Variants in PDZD2 observed in about 807,000 individuals in gnomAD.
The protein encoded by PDZD2 is PDZ domain-containing protein 2.
A neutral mutation model predicts 220.7 loss-of-function variants in PDZD2; 90 were observed. That is an observed-to-expected ratio of 0.41 (90% CI 0.34 to 0.49). The LOEUF is 0.49. PDZD2 is among the 20% of genes least tolerant of loss of function. The probability of loss-of-function intolerance (pLI) is 0.28; values close to 1 mark genes in which losing one functional copy is unlikely to be tolerated. For synonymous variants in PDZD2, 1,375 were observed against 1,450.5 expected, an observed-to-expected ratio of 0.95 and a Z score of 1.18; for missense variants, 3,174 against 3,608.5, an observed-to-expected ratio of 0.88 and a Z score of 3.08.
In PDZD2 at chr5:31,641,764, G is replaced by C. The variant is rs112742223; in HGVS notation, c.-361+2327G>C. 6.3e-3 allele frequency among the ~76,000 whole-genome samples: 966 copies of C among 152,224 alleles called. 11 individuals are homozygous for C. The highest frequency in any genetic ancestry group is 0.022 in the African/African-American group (900 of 41,522). ...TTGGTCTCCCAACGTGCTGGAATTAGAGGCATGAGTCACTGCGCCCAACCT... is the reference window on the plus strand; with the variant it reads ...TTGGTCTCCCAACGTGCTGGAATTACAGGCATGAGTCACTGCGCCCAACCT... On this transcript the variant is annotated intron_variant, in intron 1 of 24. Coordinates refer to ENST00000438447, the MANE Select transcript of PDZD2 (RefSeq NM_178140.4).
chr5:31,830,252 G>A (rs1470311244), intron 2 of PDZD2, among the ~76,000 whole-genome samples: 2 of 147,310 alleles, frequency 1.4e-5, no homozygotes, highest in Non-Finnish European at 3.0e-5. Context: ...TGCAAGCTCC[G>A]CCTCCCGGGT....
At chr5:31,988,447 G>GGT (rs1554019958) in intron 3 of PDZD2, among the ~76,000 whole-genome samples, 1 of 147,508 alleles carries the variant, frequency 6.8e-6, no homozygotes, top group African/African-American at 2.5e-5. Flanking sequence ...GGGGTGGGGG[G>GGT]GGTGCATCAC....
At chr5:31,759,055 A>G (rs1335533817) in intron 1 of PDZD2, among the ~76,000 whole-genome samples, 1 of 151,822 alleles carries the variant, frequency 6.6e-6, no homozygotes, top group African/African-American at 2.4e-5. Context: ...TTAACCCCAT[A>G]AGCAAGACTC....
At chr5:31,741,419 G>T (rs1437993940) in intron 1 of PDZD2, among the ~76,000 whole-genome samples, 1 of 146,730 alleles carries the variant, frequency 6.8e-6, no homozygotes, top group Non-Finnish European at 1.5e-5. Flanking sequence ...TTTGTTACTT[G>T]TGCATCCATA....
intron 5 of PDZD2, among the ~76,000 whole-genome samples, chr5:32,005,564 T>C (rs984320879): frequency 1.3e-5 from 2 of 151,930 alleles, no homozygotes; most frequent in African/African-American, 4.8e-5. Flanking sequence ...GATGAAATTC[T>C]CATAATACCA....
chr5:32,056,325 T>C (rs1384747571), intron 10 of PDZD2, among the ~76,000 whole-genome samples: 1 of 135,234 alleles, frequency 7.4e-6, no homozygotes, highest in East Asian at 2.4e-4. Context: ...ATTCCTTGAA[T>C]TGTGCACACA....
Position 31,930,767 on chromosome 5 carries a change from G to C in PDZD2, c.477-52388G>C, listed in dbSNP as rs138877469. Among the ~76,000 whole-genome samples the C allele has an allele frequency of 1.1e-3, 173 of 152,172 alleles. 2 individuals carry two copies. The East Asian group carries it at 0.031, about 27-fold the overall frequency. ...CAGAAGGGGACCTCAAACTTGGCAT[G>C]CCCTAAAAAACCCACTATGCGACCA... On this transcript the variant is annotated intron_variant, in intron 2 of 24. Coordinates refer to ENST00000438447, the MANE Select transcript of PDZD2 (RefSeq NM_178140.4).
intron 2 of PDZD2, chr5:31,908,845 G>T (rs1742927352): frequency 3.7e-6 from 2 of 539,896 alleles, no homozygotes; most frequent in Admixed American, 4.9e-5. Context: ...AGGAGTTTGA[G>T]ACCAGCCTTG....
chr5:32,037,928 G>A (rs1242403965), intron 7 of PDZD2, among the ~76,000 whole-genome samples: 5 of 150,640 alleles, frequency 3.3e-5, no homozygotes, highest in Admixed American at 3.3e-4. Context: ...TACAACCTCC[G>A]CCTCCCGGGT....
chr5:31,859,680 A>G (rs992960565), intron 2 of PDZD2, among the ~76,000 whole-genome samples: 6 of 152,132 alleles, frequency 3.9e-5, no homozygotes, highest in East Asian at 1.9e-4. Context: ...TCACTTCCAC[A>G]TTAAAGGCTT....
intron 1 of PDZD2, among the ~76,000 whole-genome samples, chr5:31,718,423 T>C (rs2150145125): frequency 6.6e-6 from 1 of 152,284 alleles, no homozygotes; most frequent in South Asian, 2.1e-4. Flanking sequence ...GGCATCTTAG[T>C]CTGCCTGGGC....
chr5:31,920,654 T>C (rs1369125814), intron 2 of PDZD2, among the ~76,000 whole-genome samples: 1 of 152,150 alleles, frequency 6.6e-6, no homozygotes, highest in African/African-American at 2.4e-5. Flanking sequence ...AAACAATTTT[T>C]TTTTTAAACG....
At chr5:31,733,049 A>C (rs1366291382) in intron 1 of PDZD2, among the ~76,000 whole-genome samples, 1 of 152,148 alleles carries the variant, frequency 6.6e-6, no homozygotes, top group Non-Finnish European at 1.5e-5. Flanking sequence ...TTTTAAATAA[A>C]CTTTTTATTG....
In PDZD2 at chr5:32,088,525, G is replaced by A. The variant is rs761393236; in HGVS notation, c.5077G>A (p.Ala1693Thr). 1.9e-6 allele frequency: 3 copies of A among 1,614,090 alleles called. No homozygotes were observed. Among genetic ancestry groups the A allele is most frequent in the Non-Finnish European group, 2.5e-6 (3 of 1,179,998 alleles). The change falls in exon 20 of 25, where the codon GCA becomes ACA. Residue 1693 changes from alanine (A) to threonine (T), a missense_variant. Ala to Thr is a moderately conservative substitution (Grantham distance 58). Around this residue, in one of 4 missense-constraint regions of PDZD2, gnomAD observed 1,861 missense variants for 2,001.0 expected, o/e 0.93. Coordinates refer to ENST00000438447, the MANE Select transcript of PDZD2 (RefSeq NM_178140.4). This position sits in a 1 kb window ranked among gnomAD's most constrained non-coding sequence, Gnocchi z 4.6. ...TTCACAGAACCACAGGCCCTCGTGT[G>A]CAGAAGAAACCACAGAAGTCACCAG... is the stretch of plus-strand genomic sequence containing the variant. ...STSQNHRPSC[A>T]EETTEVTSAS...
chr5:32,050,656 A>G (rs529135719), intron 8 of PDZD2, among the ~76,000 whole-genome samples: 4 of 152,212 alleles, frequency 2.6e-5, no homozygotes, highest in African/African-American at 9.6e-5. Flanking sequence ...TATCTTTACG[A>G]AAACAAATTT....
intron 2 of PDZD2, among the ~76,000 whole-genome samples, chr5:31,807,605 T>G (rs553115947): frequency 6.6e-6 from 1 of 152,302 alleles, no homozygotes; most frequent in East Asian, 1.9e-4. Flanking sequence ...AGACAAAGAA[T>G]AATCTTTGGT....
intron 2 of PDZD2, among the ~76,000 whole-genome samples, chr5:31,877,417 C>A (rs1739401972): frequency 6.6e-6 from 1 of 152,014 alleles, no homozygotes; most frequent in Admixed American, 6.6e-5. Flanking sequence ...TGGGATCTTG[C>A]TGCATTGCCC....
intron 2 of PDZD2, among the ~76,000 whole-genome samples, chr5:31,898,808 C>CTTTTTTT (rs35589628): frequency 1.9e-4 from 24 of 123,444 alleles, no homozygotes; most frequent in Admixed American, 3.6e-4. Context: ...AGCCTCTCTT[C>CTTTTTTT]TTTTTTTTTT....
At chr5:31,923,654 C>T in intron 2 of PDZD2, 3 of 689,942 alleles carry the variant, frequency 4.3e-6, no homozygotes, top group South Asian at 4.2e-5. Context: ...CAAGGCTCTT[C>T]ACAGATGAAC....
Sources: gnomAD v4.1 joint callset for allele counts (sites outside exome capture counted in the v4.1 genomes callset) on GRCh38, gnomAD v4.1.1 for gene constraint, gnomAD v4.1.1 regional missense constraint, Gnocchi (gnomAD v3.1) non-coding constraint, MANE v1.5 for transcripts, NCBI Gene and HGNC (gene_info 2026-07-23, HGNC 2026-07-21) for gene names.